Variants in PAK1 observed in about 807,000 individuals in gnomAD.
PAK1 encodes the protein p21 (RAC1) activated kinase 1.
In PAK1, 29 loss-of-function variants were observed where a neutral mutation model predicts 67.4. That is an observed-to-expected ratio of 0.43 (90% CI 0.32 to 0.59). The LOEUF (loss-of-function observed/expected upper bound fraction) is 0.59. Ranked by LOEUF, PAK1 falls within the 20% of genes least tolerant of loss-of-function variation. The probability of loss-of-function intolerance (pLI) is 0.07; values close to 1 mark genes in which losing one functional copy is unlikely to be tolerated. For synonymous variants in PAK1, 223 were observed against 237.4 expected, an observed-to-expected ratio of 0.94 and a Z score of 0.56; for missense variants, 337 against 670.7, an observed-to-expected ratio of 0.50 and a Z score of 5.50.
intron 1 of PAK1, among the ~76,000 whole-genome samples, chr11:77,446,905 A>AC (rs1051083634): frequency 6.6e-6 from 1 of 151,968 alleles, no homozygotes; most frequent in African/African-American, 2.4e-5. Flanking sequence ...AAGAAAAAAA[A>AC]AAAACAAAAA....
chr11:77,421,864 T>G (rs1043910536), intron 1 of PAK1, among the ~76,000 whole-genome samples: 1 of 152,188 alleles, frequency 6.6e-6, no homozygotes, highest in Non-Finnish European at 1.5e-5. Flanking sequence ...TATCTAATAA[T>G]GAAATGCACA....
intron 2 of PAK1, among the ~76,000 whole-genome samples, chr11:77,385,035 T>C (rs148084756): frequency 0.012 from 1,888 of 152,312 alleles, 16 homozygotes; most frequent in Non-Finnish European, 0.017. Context: ...TTAGAAACTC[T>C]TAGCAAACTA....
chr11:77,491,219 T>C, the PAK1 span, among the ~76,000 whole-genome samples: 1 of 148,218 alleles, frequency 6.7e-6, no homozygotes, highest in Non-Finnish European at 1.5e-5. Context: ...GGTACAAAAC[T>C]CAATGGTAAC....
chr11:77,336,109 A>C lies in PAK1; in HGVS notation c.1390T>G (p.Tyr464Asp). Residue 464 changes from tyrosine to aspartate, a missense_variant, in exon 13 of 15, where the codon TAC (tyrosine) becomes GAC (aspartate). Physicochemically the swap from Tyr to Asp is radical, Grantham distance 160. Around this residue, in one of 8 missense-constraint regions of PAK1, gnomAD observed 71 missense variants for 160.5 expected, o/e 0.44. Coordinates refer to ENST00000356341, the MANE Select transcript of PAK1 (RefSeq NM_002576.5). ...AIEMIEGEPP[Y>D]LNENPLRALY... ...ACTCTCAGAGGGTTTTCATTGAGGT[A>C]TGGAGGCTCCCCTTCAATCATTTCG... 6.2e-7 allele frequency: 1 copy of C among 1,610,812 alleles called. No individual in the cohort carries two copies. The highest frequency in any genetic ancestry group is 8.5e-7 in the Non-Finnish European group (1 of 1,177,158).
chr11:77,462,563 G>T (rs1314682231), intron 1 of PAK1, among the ~76,000 whole-genome samples: 1 of 151,836 alleles, frequency 6.6e-6, no homozygotes, highest in Non-Finnish European at 1.5e-5. Flanking sequence ...CAGGCACAGT[G>T]TCTCACACAT....
At chr11:77,371,563 T>A (rs1240117506) in intron 5 of PAK1, among the ~76,000 whole-genome samples, 1 of 152,066 alleles carries the variant, frequency 6.6e-6, no homozygotes, top group East Asian at 1.9e-4. Flanking sequence ...ACGTAGGGAG[T>A]GAGTCACTTA....
chr11:77,362,928 A>G (rs1947001177), intron 5 of PAK1, among the ~76,000 whole-genome samples: 1 of 152,228 alleles, frequency 6.6e-6, no homozygotes, highest in African/African-American at 2.4e-5. Context: ...ATTAGCCTAC[A>G]TTCTACAGTA....
In PAK1 at chr11:77,351,030, T is replaced by C. The variant is rs116221166; in HGVS notation, c.837-1743A>G. 7.9e-3 allele frequency among the ~76,000 whole-genome samples: 1,209 copies of C among 152,262 alleles called. 19 individuals carry two copies. The highest frequency in any genetic ancestry group is 0.028 in the African/African-American group (1,162 of 41,552). On this transcript the variant is annotated intron_variant, in intron 8 of 14. Transcript: ENST00000356341. ...CCACTGCTTAATACCTATTTCTAAC[T>C]TGAATAGACATATAATTAGACATAT...
chr11:77,425,682 C>T (rs1955509722), intron 1 of PAK1, among the ~76,000 whole-genome samples: 1 of 152,190 alleles, frequency 6.6e-6, no homozygotes, highest in African/African-American at 2.4e-5. Context: ...ACAAGCCTAG[C>T]ACCGTGTAAG....
At chr11:77,411,058 C>T (rs181176428) in intron 1 of PAK1, among the ~76,000 whole-genome samples, 25 of 152,064 alleles carry the variant, frequency 1.6e-4, no homozygotes, top group Admixed American at 1.6e-3. Context: ...AACACACCTA[C>T]GCATCACACT....
At chr11:77,441,247 T>TCTTAGAGGAA (rs1956343393) in intron 1 of PAK1, among the ~76,000 whole-genome samples, 2 of 151,988 alleles carry the variant, frequency 1.3e-5, no homozygotes, top group Non-Finnish European at 2.9e-5. Context: ...GGAAAAGGCC[T>TCTTAGAGGAA]AAGTTTCTTA....
chr11:77,503,788 GT>G, the PAK1 span, among the ~76,000 whole-genome samples: 1 of 152,178 alleles, frequency 6.6e-6, no homozygotes, highest in African/African-American at 2.4e-5. Flanking sequence ...GAAAGTCGAG[GT>G]TGCAGTGAGC....
intron 9 of PAK1, among the ~76,000 whole-genome samples, chr11:77,346,326 A>C (rs891969453): frequency 6.6e-6 from 1 of 152,150 alleles, no homozygotes; most frequent in Non-Finnish European, 1.5e-5. Flanking sequence ...TCCTTCACCT[A>C]AGCCCCACCT....
the PAK1 span, among the ~76,000 whole-genome samples, chr11:77,497,842 T>A: frequency 6.6e-6 from 1 of 152,266 alleles, no homozygotes; most frequent in African/African-American, 2.4e-5. Context: ...AAGTGTTTTT[T>A]GTTTTTCACT....
At chr11:77,332,093 A>T (rs1229694770) in intron 14 of PAK1, among the ~76,000 whole-genome samples, 7 of 151,488 alleles carry the variant, frequency 4.6e-5, no homozygotes. Flanking sequence ...GCTTGAACCC[A>T]GGAATTTGAG....
intron 1 of PAK1, among the ~76,000 whole-genome samples, chr11:77,407,356 C>T (rs1442715290): frequency 6.6e-6 from 1 of 152,214 alleles, no homozygotes; most frequent in Admixed American, 6.5e-5. Flanking sequence ...ATCTACCCCA[C>T]TCCTTTTCCT....
the PAK1 span, among the ~76,000 whole-genome samples, chr11:77,521,418 A>T: frequency 6.6e-6 from 1 of 151,966 alleles, no homozygotes; most frequent in Non-Finnish European, 1.5e-5. Flanking sequence ...AATACCAGCT[A>T]CTCGGGAGGC....
At chr11:77,518,821 G>T in the PAK1 span, among the ~76,000 whole-genome samples, 3 of 152,120 alleles carry the variant, frequency 2.0e-5, no homozygotes, top group Admixed American at 6.5e-5. Context: ...TCATCCAGAA[G>T]ATTCTATTTT....
chr11:77,429,837 T>A (rs960053082), intron 1 of PAK1, among the ~76,000 whole-genome samples: 30 of 152,226 alleles, frequency 2.0e-4, no homozygotes, highest in African/African-American at 7.2e-4. Flanking sequence ...CAGTGTTTAT[T>A]TCCTGATTTT....
Sources: allele counts gnomAD v4.1 joint callset (sites outside exome capture counted in the v4.1 genomes callset), GRCh38; gene constraint gnomAD v4.1.1; regional missense constraint gnomAD v4.1.1; transcripts MANE v1.5; gene names NCBI Gene and HGNC (gene_info 2026-07-23, HGNC 2026-07-21).